Variants in NLRP13 observed in about 807,000 individuals in gnomAD.
NLRP13 encodes the protein NLR family pyrin domain containing 13, also known as NACHT, LRR and PYD domains-containing protein 13.
NLRP13 carries 82 observed loss-of-function variants against 94.4 expected under a neutral mutation model. The observed-to-expected ratio is 0.87, with a 90% CI of 0.73 to 1.04. The LOEUF (loss-of-function observed/expected upper bound fraction) is 1.04. Among genes scored for constraint, NLRP13 ranks in the 50% least tolerant of loss-of-function variants. NLRP13 has a pLI of 0.00. For synonymous variants in NLRP13, 553 were observed against 464.7 expected, an observed-to-expected ratio of 1.19 and a Z score of -2.45; for missense variants, 1,426 against 1,230.8, an observed-to-expected ratio of 1.16 and a Z score of -2.37.
chr19:55,928,890 C>T (rs952773886), intron 1 of NLRP13, among the ~76,000 whole-genome samples: 8 of 152,102 alleles, frequency 5.3e-5, no homozygotes, highest in African/African-American at 1.7e-4. Flanking sequence ...ATCTACTCAT[C>T]TGACAAAGGG....
chr19:55,902,142 G>A lies in NLRP13; in HGVS notation c.2682C>T (p.Asn894=), dbSNP rs1471968331. ...TCAGATTCAGGTGTGTCAGGCTCCT[G>A]TTCTGCAGGAGAGCATCTGACAAGT... ...CKHLSDALLQ[N]RSLTHLNLSK... The change falls in exon 9 of 11, where the codon AAC becomes AAT. Residue 894 remains asparagine, a synonymous_variant. Transcript: ENST00000342929. The A allele has an allele frequency of 1.2e-6, 2 of 1,613,950 alleles. No individual in the cohort carries two copies. Among genetic ancestry groups the A allele is most frequent in the Non-Finnish European group, 1.7e-6 (2 of 1,179,986 alleles).
At chr19:55,894,245 T>TTGCCCATGC (rs1453665831), downstream of NLRP13, among the ~76,000 whole-genome samples, 1 of 152,068 alleles carries the variant, frequency 6.6e-6, no homozygotes, top group Non-Finnish European at 1.5e-5. Context: ...TCTGCCTATG[T>TTGCCCATGC]TGCCCATGCT....
At chr19:55,930,921 C>A in intron 1 of NLRP13, among the ~76,000 whole-genome samples, 1 of 99,604 alleles carries the variant, frequency 1.0e-5, no homozygotes, top group African/African-American at 5.0e-5. Context: ...GAAGCTTAAA[C>A]AGCATGGTTT....
chr19:55,930,686 C>CAAAAAAAAAAAAAAA, intron 1 of NLRP13, among the ~76,000 whole-genome samples: 1 of 94,206 alleles, frequency 1.1e-5, no homozygotes, highest in African/African-American at 4.2e-5. Flanking sequence ...AACTCCATCT[C>CAAAAAAAAAAAAAAA]AAAAAAAAAA....
In NLRP13 at chr19:55,932,165, C is replaced by T; in HGVS notation, c.147G>A (p.Gln49=). Residue 49 remains glutamine (Q), a synonymous_variant, in exon 1 of 11, where the codon CAG becomes CAA. Transcript: ENST00000342929. ...CCCAGGGGATACGCGGGAAGTGCCC[C>T]TGGGGGGCCGACCAGAAGTCCATCA... ...QQLMDFWSAP[Q]GHFPRIPWAN... 1.2e-6 allele frequency: 2 copies of T among 1,614,106 alleles called. No homozygotes were observed. The highest frequency in any genetic ancestry group is 2.2e-5 in the South Asian group (2 of 91,078).
intron 5 of NLRP13, 115 bp from the exon 6 acceptor site, chr19:55,910,848 A>G: frequency 1.0e-6 from 1 of 978,822 alleles, no homozygotes; most frequent in Non-Finnish European, 1.5e-6. Flanking sequence ...AATTTTCCTA[A>G]TGTGGCTGGG....
chr19:55,909,855 A>G (rs1448546920), intron 6 of NLRP13, among the ~76,000 whole-genome samples: 2 of 151,914 alleles, frequency 1.3e-5, no homozygotes, highest in African/African-American at 4.8e-5. Context: ...TTCCCCAGGT[A>G]TCCATGGGCA....
Position 55,910,661 on chromosome 19 carries a change from C to A in NLRP13, c.2184G>T (p.Leu728=), listed in dbSNP as rs1330095025. Residue 728 remains leucine (L), a synonymous_variant, in exon 6 of 11, where the codon CTG becomes CTT. Transcript: ENST00000342929. ...ICSTLVTNEN[L]HELDLSNSKL... Reference sequence around the variant, plus strand: ...TGCTGTTACTCAGGTCTAGCTCATGCAGATTCTCATTTGTGACCAACGTAG... The same window carrying A: ...TGCTGTTACTCAGGTCTAGCTCATGAAGATTCTCATTTGTGACCAACGTAG... The A allele has an allele frequency of 6.2e-7, 1 of 1,613,828 alleles. No individual in the cohort carries two copies. Among genetic ancestry groups the A allele is most frequent in the African/African-American group, 1.3e-5 (1 of 74,920 alleles).
At chr19:55,909,193 C>G (rs374605910) in intron 6 of NLRP13, among the ~76,000 whole-genome samples, 4 of 152,138 alleles carry the variant, frequency 2.6e-5, no homozygotes, top group East Asian at 3.9e-4. Flanking sequence ...ATAGTTCCCC[C>G]CCGGCTTAAT....
At position 55,925,007 on chromosome 19, in the gene NLRP13, A is replaced by G; in HGVS notation, c.348T>C (p.Asp116=). The G allele has an allele frequency of 6.2e-7, 1 of 1,614,088 alleles. No homozygotes were observed. Among genetic ancestry groups the G allele is most frequent in the Non-Finnish European group, 8.5e-7 (1 of 1,179,994 alleles). The change falls in exon 2 of 11, where the codon GAT becomes GAC. Residue 116 remains aspartate, a synonymous_variant. Coordinates refer to ENST00000342929, the MANE Select transcript of NLRP13 (RefSeq NM_176810.2). ...KENVQTQELQ[D]PTQEDLEMLE... ...GCATCTCTAGATCTTCCTGGGTTGG[A>G]TCTTGCAGCTCTTGGGTCTGCACAT...
chr19:55,921,087 G>T (rs923454352), intron 4 of NLRP13, among the ~76,000 whole-genome samples: 3 of 152,108 alleles, frequency 2.0e-5, no homozygotes, highest in African/African-American at 7.2e-5. Flanking sequence ...CATATAGAAT[G>T]GAATAATAGA....
At chr19:55,907,159 C>T (rs972567712) in intron 7 of NLRP13, among the ~76,000 whole-genome samples, 1 of 152,040 alleles carries the variant, frequency 6.6e-6, no homozygotes, top group African/African-American at 2.4e-5. Flanking sequence ...GGGGTTTCAC[C>T]GTGTTGGTCA....
At chr19:55,927,753 G>T (rs1987004788) in intron 1 of NLRP13, among the ~76,000 whole-genome samples, 1 of 152,204 alleles carries the variant, frequency 6.6e-6, no homozygotes, top group Non-Finnish European at 1.5e-5. Flanking sequence ...CTCTAGAAAT[G>T]TAGAGGTTGG....
At chr19:55,896,850 A>G (rs1986031146) in intron 10 of NLRP13, among the ~76,000 whole-genome samples, 1 of 148,062 alleles carries the variant, frequency 6.8e-6, no homozygotes, top group African/African-American at 2.5e-5. Context: ...AAAAAATGGA[A>G]AAGAGTGGAG....
intron 9 of NLRP13, among the ~76,000 whole-genome samples, chr19:55,900,003 T>C (rs114484285): frequency 0.012 from 1,833 of 151,458 alleles, 37 homozygotes; most frequent in African/African-American, 0.042. Flanking sequence ...ACATACTTAA[T>C]AGAACATTGT....
chr19:55,922,194 A>G (rs1986846773), intron 4 of NLRP13, among the ~76,000 whole-genome samples: 2 of 152,050 alleles, frequency 1.3e-5, no homozygotes, highest in South Asian at 4.2e-4. Context: ...GTTACCTCCC[A>G]CCAGGTCCCT....
At chr19:55,907,675 T>TC in intron 7 of NLRP13, 117 bp downstream of exon 7, 1 of 962,256 alleles carries the variant, frequency 1.0e-6, no homozygotes, top group Non-Finnish European at 1.6e-6. Flanking sequence ...CCTTTGCTCA[T>TC]CCTTCTCTGT....
chr19:55,907,841 G>A lies in NLRP13; in HGVS notation c.2398C>T (p.Leu800=). The part of the protein sequence containing the change: ...SSNKLGMTVP[L]ILKALRHSAC... The stretch of plus-strand genomic sequence containing the variant: ...GAGTGTCTCAAAGCTTTAAGAATCA[G>A]GGGGACAGTCATTCCCAGCTTGTTA... Residue 800 remains leucine (L), a synonymous_variant, in exon 7 of 11, where the codon CTG becomes TTG. Transcript: ENST00000342929. 2 of 1,613,962 alleles carry A rather than the reference G, an allele frequency of 1.2e-6. No homozygotes were observed. The highest frequency in any genetic ancestry group is 1.7e-6 in the Non-Finnish European group (2 of 1,179,944).
chr19:55,912,877 C>A lies in NLRP13; in HGVS notation c.940G>T (p.Glu314Ter). ...EKLLFIIDGF[E>*]EIIISESRSE... ...CGTGACTCAGATATGATTATTTCCT[C>A]AAAGCCATCAATAATAAACAGGAGC... Residue 314 changes from glutamate to a stop codon, truncating the protein, a stop_gained, in exon 5 of 11, where the codon GAG (glutamate) becomes TAG (stop). Transcript: ENST00000342929. LOFTEE classifies it high-confidence loss of function. 1 of 1,614,176 alleles carries A rather than the reference C, an allele frequency of 6.2e-7. No homozygotes were observed. The highest frequency in any genetic ancestry group is 1.1e-5 in the South Asian group (1 of 91,082).
Sources: allele counts gnomAD v4.1 joint callset (sites outside exome capture counted in the v4.1 genomes callset), GRCh38; gene constraint gnomAD v4.1.1; transcripts MANE v1.5; gene names NCBI Gene and HGNC (gene_info 2026-07-23, HGNC 2026-07-21).